GOLGA8A: variants seen among roughly 807,000 people sequenced by gnomAD.
GOLGA8A encodes golgin subfamily A member 8A.
A neutral mutation model predicts 22.1 loss-of-function variants in GOLGA8A; 3 were observed. The ratio of observed to expected loss-of-function variants is 0.14; its 90% CI spans 0.06 to 0.35. The LOEUF is 0.35. GOLGA8A is among the 10% of genes least tolerant of loss of function. GOLGA8A has a pLI of 1.00. For synonymous variants in GOLGA8A, 7 were observed against 91.7 expected, an observed-to-expected ratio of 0.08 and a Z score of 5.28; for missense variants, 16 against 233.2, an observed-to-expected ratio of 0.07 and a Z score of 6.07.
At chr15:34,421,478 G>A (rs1197365527) in intron 2 of GOLGA8A, among the ~76,000 whole-genome samples, 2 of 139,180 alleles carry the variant, frequency 1.4e-5, no homozygotes, top group Admixed American at 7.5e-5. Flanking sequence ...AGGAAATGAC[G>A]CACACGGGCT....
At position 34,426,990 on chromosome 15, in the gene GOLGA8A, A is replaced by C. The variant is rs1456694963; in HGVS notation, c.-1123+8393T>G. 3.1e-4 allele frequency among the ~76,000 whole-genome samples: 45 copies of C among 146,966 alleles called. 3 individuals carry two copies. Among genetic ancestry groups the C allele is most frequent in the Non-Finnish European group, 3.5e-4 (23 of 66,470 alleles). On this transcript the variant is annotated intron_variant, in intron 2 of 24. Transcript: ENST00000359187. ...CCCAAGCAGCCTCTAGTTGTTAAAG[A>C]CTTCTCAGTATTGGAGAATAAAACA...
chr15:34,431,294 TATATATATATATATATAC>T (rs1204935441), intron 2 of GOLGA8A, among the ~76,000 whole-genome samples: 592 of 9,440 alleles, frequency 0.063, 18 homozygotes, highest in African/African-American at 0.1. Flanking sequence ...AAAAAAATTA[TATATATATATATATATAC>T]ATATATATAT....
intron 2 of GOLGA8A, among the ~76,000 whole-genome samples, chr15:34,412,867 G>A (rs1337989915): frequency 5.2e-5 from 7 of 134,766 alleles, no homozygotes; most frequent in Non-Finnish European, 1.1e-4. Context: ...ACCCTGAAAA[G>A]GGAAGGAAAT....
chr15:34,424,204 G>A lies in GOLGA8A; in HGVS notation c.-1123+11179C>T, dbSNP rs977521841. Among the ~76,000 whole-genome samples the A allele has an allele frequency of 6.1e-4, 86 of 140,090 alleles. No homozygotes were observed. In the East Asian group the frequency reaches 0.014, roughly 23 times the overall value. 91.9% of individuals were successfully genotyped at this position (140,090 alleles called of 152,430 possible). On this transcript the variant is annotated intron_variant, in intron 2 of 24. Coordinates refer to ENST00000359187, the MANE Select transcript of GOLGA8A (RefSeq NM_181077.5). ...AAAAACTCACTTAAACTGTCCACCG[G>A]CCTGCTTCCACTCTGTGACACAGCG...
At chr15:34,404,502 G>A (rs1892148053) in intron 5 of GOLGA8A, among the ~76,000 whole-genome samples, 1 of 150,484 alleles carries the variant, frequency 6.6e-6, no homozygotes, top group African/African-American at 2.4e-5. Context: ...GCTAGGGACG[G>A]TGGCTCATGC....
chr15:34,379,376 T>A lies in GOLGA8A; in HGVS notation c.*2035A>T, dbSNP rs577142061. On this transcript the variant is annotated 3_prime_UTR_variant, in exon 25 of 25. Coordinates refer to ENST00000359187, the MANE Select transcript of GOLGA8A (RefSeq NM_181077.5). ...AATATTTATATTATTTTAAAATGACTCTTTAAGATACAGTTTTAAACCCAT... is the reference window on the plus strand; with the variant it reads ...AATATTTATATTATTTTAAAATGACACTTTAAGATACAGTTTTAAACCCAT... The A allele has an allele frequency of 6.6e-6, 1 of 152,628 alleles. No individual in the cohort carries two copies. The highest frequency in any genetic ancestry group is 2.4e-5 in the African/African-American group (1 of 41,534). 9.5% of individuals were successfully genotyped at this position (152,628 alleles called of 1,614,324 possible).
chr15:34,381,265 T>A lies in GOLGA8A; in HGVS notation c.*146A>T, dbSNP rs192360931. ...CCACTCTCTTTTAACTTTTTACAAA[T>A]AAACTTAAACTATAAATTAGAAACA... On this transcript the variant is annotated 3_prime_UTR_variant, in exon 25 of 25. Coordinates refer to ENST00000359187, the MANE Select transcript of GOLGA8A (RefSeq NM_181077.5). 115,454 of 1,092,236 alleles carry A rather than the reference T, an allele frequency of 0.11. 4,370 individuals are homozygous for A. Among genetic ancestry groups the A allele is most frequent in the Non-Finnish European group, 0.13 (95,466 of 750,280 alleles). The allele number at this position is 1,092,236 out of a possible 1,614,324, so 67.7% of individuals were successfully genotyped here.
At chr15:34,423,873 C>T (rs1381423747) in intron 2 of GOLGA8A, among the ~76,000 whole-genome samples, 1 of 149,386 alleles carries the variant, frequency 6.7e-6, no homozygotes, top group Non-Finnish European at 1.5e-5. Flanking sequence ...CCCTCATCTG[C>T]CTGTGCACCC....
chr15:34,416,927 T>TCC (rs1012296663), intron 2 of GOLGA8A: 1 of 90,508 alleles, frequency 1.1e-5, no homozygotes, highest in African/African-American at 5.7e-5. Context: ...CCAATTGTTA[T>TCC]CCCCACCCCT....
At chr15:34,426,712 G>C (rs527749815) in intron 2 of GOLGA8A, among the ~76,000 whole-genome samples, 2 of 144,148 alleles carry the variant, frequency 1.4e-5, no homozygotes, top group East Asian at 2.2e-4. Flanking sequence ...CTTCTCCAGA[G>C]ATACAAGATA....
rs1030797490 is a variant in GOLGA8A, at chr15:34,426,298, G to A, written c.-1123+9085C>T. Among the ~76,000 whole-genome samples, 10 of 149,832 alleles carry A rather than the reference G, an allele frequency of 6.7e-5. 1 individual carries two copies. Among genetic ancestry groups the A allele is most frequent in the African/African-American group, 2.5e-4 (10 of 40,744 alleles). Reference sequence around the variant, plus strand: ...ACCATCTCTAAGACACACAGCTGGTGAGCGGATCGAACTGCAAATCTTATT... The same window carrying A: ...ACCATCTCTAAGACACACAGCTGGTAAGCGGATCGAACTGCAAATCTTATT... On this transcript the variant is annotated intron_variant, in intron 2 of 24. Coordinates refer to ENST00000359187, the MANE Select transcript of GOLGA8A (RefSeq NM_181077.5).
At chr15:34,433,085 C>T (rs575891196) in intron 2 of GOLGA8A, among the ~76,000 whole-genome samples, 2 of 149,198 alleles carry the variant, frequency 1.3e-5, no homozygotes, top group African/African-American at 2.5e-5. Context: ...AACTGAGCTC[C>T]TGTTACTCCA....
At chr15:34,431,199 A>G (rs1181811496) in intron 2 of GOLGA8A, among the ~76,000 whole-genome samples, 3 of 146,240 alleles carry the variant, frequency 2.1e-5, no homozygotes, top group Non-Finnish European at 3.0e-5. Context: ...TTAAATTAAG[A>G]ACAGATACAA....
intron 2 of GOLGA8A, among the ~76,000 whole-genome samples, chr15:34,412,024 G>GTT (rs1206230155): frequency 0.064 from 1,026 of 16,044 alleles, 1 homozygote; most frequent in Non-Finnish European, 0.085. Context: ...CTGGTCCTGG[G>GTT]TTTTTTTTTT....
intron 2 of GOLGA8A, among the ~76,000 whole-genome samples, chr15:34,431,729 T>C (rs1222253587): frequency 4.0e-5 from 6 of 148,866 alleles, no homozygotes; most frequent in African/African-American, 1.5e-4. Flanking sequence ...CGTACACTAG[T>C]GCAGACTTTA....
At chr15:34,427,106 G>T (rs558655691) in intron 2 of GOLGA8A, among the ~76,000 whole-genome samples, 1 of 147,718 alleles carries the variant, frequency 6.8e-6, no homozygotes, top group Non-Finnish European at 1.5e-5. Flanking sequence ...GCTGAAGCAG[G>T]CAGATCACGA....
intron 2 of GOLGA8A, among the ~76,000 whole-genome samples, chr15:34,420,855 C>T (rs1892769162): frequency 7.8e-6 from 1 of 128,808 alleles, no homozygotes; most frequent in Non-Finnish European, 1.7e-5. Context: ...TCTGATGGGA[C>T]ACAAGCTCTA....
chr15:34,405,661 C>G (rs1322820626), intron 4 of GOLGA8A, among the ~76,000 whole-genome samples: 1 of 140,730 alleles, frequency 7.1e-6, no homozygotes, highest in Non-Finnish European at 1.6e-5. Context: ...GGTGGGAGCT[C>G]TTGGAAGGAT....
chr15:34,422,846 A>G (rs937447261), intron 2 of GOLGA8A, among the ~76,000 whole-genome samples: 2 of 110,182 alleles, frequency 1.8e-5, no homozygotes, highest in South Asian at 3.7e-4. Context: ...CCCTCCAACC[A>G]AGGTGTCTAG....
Sources: gnomAD v4.1 joint callset for allele counts (sites outside exome capture counted in the v4.1 genomes callset) on GRCh38, gnomAD v4.1.1 for gene constraint, MANE v1.5 for transcripts, NCBI Gene and HGNC (gene_info 2026-07-23, HGNC 2026-07-21) for gene names.